DEFA4: variants seen among roughly 807,000 people sequenced by gnomAD.
The protein encoded by DEFA4 is defensin alpha 4, also known as corticostatin.
In DEFA4, 8 loss-of-function variants were observed where a neutral mutation model predicts 4.4. The ratio of observed to expected loss-of-function variants is 1.82; its 90% CI spans 1.07 to 3.29. The LOEUF (loss-of-function observed/expected upper bound fraction) is 3.29, where lower values mean the gene tolerates loss of function less well. DEFA4 is among the 30% of genes most tolerant of loss of function. The pLI is 0.00. For missense variants in DEFA4, 216 were observed against 127.0 expected, an observed-to-expected ratio of 1.70 and a Z score of -3.37; for synonymous variants, 77 against 46.5, an observed-to-expected ratio of 1.66 and a Z score of -2.67.
intron 1 of DEFA4, among the ~76,000 whole-genome samples, chr8:6,937,364 G>A (rs1808900180): frequency 6.6e-6 from 1 of 152,084 alleles, no homozygotes; most frequent in African/African-American, 2.4e-5. Flanking sequence ...GGAGTAGAGA[G>A]TAACTCATTG....
chr8:6,936,624 A>G (rs1337042258), intron 2 of DEFA4, 104 bp downstream of exon 2: 10 of 1,258,396 alleles, frequency 7.9e-6, no homozygotes, highest in Non-Finnish European at 1.1e-5. Context: ...AGAGATGGTA[A>G]GTAAAGCCAC....
At chr8:6,936,659 G>A in intron 2 of DEFA4, 69 bp downstream of exon 2, 2 of 1,428,630 alleles carry the variant, frequency 1.4e-6, no homozygotes, top group Non-Finnish European at 9.3e-7. Flanking sequence ...CCATTGAGAT[G>A]TGATTCCAGA....
At chr8:6,937,974 A>T (rs1420473996) in intron 1 of DEFA4, among the ~76,000 whole-genome samples, 1 of 152,212 alleles carries the variant, frequency 6.6e-6, no homozygotes, top group Admixed American at 6.5e-5. Context: ...TAATGTTTTA[A>T]GAAGCTGTGA....
Position 6,936,708 on chromosome 8 carries a change from T to G in DEFA4, c.172+20A>C. 1 of 1,570,432 alleles carries G rather than the reference T, an allele frequency of 6.4e-7. No individual in the cohort carries two copies. The highest frequency in any genetic ancestry group is 8.7e-7 in the Non-Finnish European group (1 of 1,153,294). On this transcript the variant is annotated intron_variant, in intron 2 of 2. Transcript: ENST00000297435. ...CCGTCTCTCTAGACTCGGTAGCTTT[T>G]TTATGCTGGCCTCTCTCACCTGAAA... is the stretch of plus-strand genomic sequence containing the variant.
chr8:6,936,372 C>G (rs1001870335), intron 2 of DEFA4, among the ~76,000 whole-genome samples: 1 of 152,160 alleles, frequency 6.6e-6, no homozygotes, highest in Non-Finnish European at 1.5e-5. Flanking sequence ...CCATCAGACA[C>G]ACACCTGAAC....
intron 1 of DEFA4, 29 bp downstream of exon 1, chr8:6,938,197 T>A (rs779097291): frequency 6.6e-6 from 1 of 152,146 alleles, no homozygotes; most frequent in Non-Finnish European, 1.5e-5. Context: ...GAAACCTCAA[T>A]GTGAAAGTTT....
At chr8:6,937,455 A>G (rs954011641) in intron 1 of DEFA4, among the ~76,000 whole-genome samples, 7 of 152,124 alleles carry the variant, frequency 4.6e-5, no homozygotes, top group African/African-American at 1.2e-4. Context: ...GCCAGAGTGA[A>G]GAGGACAATG....
chr8:6,936,744 A>C lies in DEFA4; in HGVS notation c.156T>G (p.Ser52=), dbSNP rs1345493991. 5 of 1,603,498 alleles carry C rather than the reference A, an allele frequency of 3.1e-6. No homozygotes were observed. Among genetic ancestry groups the C allele is most frequent in the Admixed American group, 1.7e-5 (1 of 59,242 alleles). The change falls in exon 2 of 3, where the codon TCT becomes TCG. Residue 52 remains serine (S), a synonymous_variant. Coordinates refer to ENST00000297435, the MANE Select transcript of DEFA4 (RefSeq NM_001925.3). ...CTCTCTCACCTGAAACCTGAAGAGC[A>C]GAGCTTTTATCCCATGCAAAGGAAA... ...ISISFAWDKS[S]ALQVSGSTRG...
At position 6,938,240 on chromosome 8, in the gene DEFA4, G is replaced by A. The variant is rs1382839125; in HGVS notation, c.-27C>T. On this transcript the variant is annotated 5_prime_UTR_variant, in exon 1 of 3. Coordinates refer to ENST00000297435, the MANE Select transcript of DEFA4 (RefSeq NM_001925.3). ...GTGTTACTTACAGATCCTCAAGCTA[G>A]GCAGGGCGAGCAGAGAGGGCAGACA... The A allele has an allele frequency of 1.3e-5, 2 of 152,224 alleles. No homozygotes were observed. Among genetic ancestry groups the A allele is most frequent in the Non-Finnish European group, 2.9e-5 (2 of 68,082 alleles). 9.4% of individuals were successfully genotyped at this position (152,224 alleles called of 1,614,324 possible).
In DEFA4 at chr8:6,935,944, C is replaced by T. The variant is rs988681906; in HGVS notation, c.*76G>A. The T allele has an allele frequency of 3.9e-5, 62 of 1,598,044 alleles. No homozygotes were observed. Among genetic ancestry groups the T allele is most frequent in the Non-Finnish European group, 4.9e-5 (57 of 1,166,854 alleles). ...CTCATTTTTCTCTATTCTGCAAGCT[C>T]AGCTGCAGAAGCATGTGAAGCTAAC... On this transcript the variant is annotated 3_prime_UTR_variant, in exon 3 of 3. Coordinates refer to ENST00000297435, the MANE Select transcript of DEFA4 (RefSeq NM_001925.3).
chr8:6,937,481 A>G (rs1808905826), intron 1 of DEFA4, among the ~76,000 whole-genome samples: 2 of 152,134 alleles, frequency 1.3e-5, no homozygotes, highest in Admixed American at 1.3e-4. Context: ...ATCAGGGTAC[A>G]GGTGAAATGA....
chr8:6,936,928 A>T lies in DEFA4; in HGVS notation c.-12-17T>A. On this transcript the variant is annotated splice_polypyrimidine_tract_variant and intron_variant, in intron 1 of 2. Coordinates refer to ENST00000297435, the MANE Select transcript of DEFA4 (RefSeq NM_001925.3). Reference sequence around the variant, plus strand: ...TGGGGTGACCTGGAGGAGGGAGAGCAGGAGCAGCTGTGTGGGGAGGGAGAA... The same window carrying T: ...TGGGGTGACCTGGAGGAGGGAGAGCTGGAGCAGCTGTGTGGGGAGGGAGAA... The T allele has an allele frequency of 1.3e-6, 2 of 1,548,248 alleles. No individual in the cohort carries two copies. Among genetic ancestry groups the T allele is most frequent in the Non-Finnish European group, 8.8e-7 (1 of 1,142,570 alleles).
chr8:6,937,885 A>G (rs1401320759), intron 1 of DEFA4, among the ~76,000 whole-genome samples: 1 of 152,188 alleles, frequency 6.6e-6, no homozygotes, highest in Non-Finnish European at 1.5e-5. Context: ...TAAGGAAGTC[A>G]AACAACTCAA....
chr8:6,936,300 C>A (rs555547309), intron 2 of DEFA4, among the ~76,000 whole-genome samples, 159 bp from the exon 3 acceptor site: 1 of 152,284 alleles, frequency 6.6e-6, no homozygotes, highest in African/African-American at 2.4e-5. Flanking sequence ...ATACACAGAG[C>A]AATGCTGCTC....
At chr8:6,936,479 T>A (rs1340854992) in intron 2 of DEFA4, among the ~76,000 whole-genome samples, 1 of 152,180 alleles carries the variant, frequency 6.6e-6, no homozygotes, top group African/African-American at 2.4e-5. Flanking sequence ...CAGAAAGAAC[T>A]GGTCAATCTG....
At chr8:6,936,238 T>C in intron 2 of DEFA4, 97 bp from the exon 3 acceptor site, 1 of 1,527,724 alleles carries the variant, frequency 6.5e-7, no homozygotes, top group South Asian at 1.2e-5. Context: ...TGACCGGTGA[T>C]GCTGGCTGCA....
At chr8:6,938,121 A>C (rs1808938143) in intron 1 of DEFA4, 105 bp downstream of exon 1, 1 of 152,146 alleles carries the variant, frequency 6.6e-6, no homozygotes, top group African/African-American at 2.4e-5. Flanking sequence ...CAGGGGCTTC[A>C]CCCGCTGGGT....
chr8:6,937,767 G>A (rs572768282), intron 1 of DEFA4, among the ~76,000 whole-genome samples: 2 of 152,218 alleles, frequency 1.3e-5, no homozygotes, highest in African/African-American at 4.8e-5. Flanking sequence ...GAACGCTAAA[G>A]CATCTTCATA....
At chr8:6,937,123 T>C (rs939853229) in intron 1 of DEFA4, among the ~76,000 whole-genome samples, 1 of 152,130 alleles carries the variant, frequency 6.6e-6, no homozygotes, top group African/African-American at 2.4e-5. Flanking sequence ...GGAAGCTCTA[T>C]GTTTAGTGTC....
Sources: allele counts gnomAD v4.1 joint callset (sites outside exome capture counted in the v4.1 genomes callset), GRCh38; gene constraint gnomAD v4.1.1; transcripts MANE v1.5; gene names NCBI Gene and HGNC (gene_info 2026-07-23, HGNC 2026-07-21).